Variants in TSPAN15 observed in about 807,000 individuals in gnomAD.
TSPAN15 encodes tetraspanin 15.
TSPAN15 carries 20 observed loss-of-function variants against 34.5 expected under a neutral mutation model. The observed-to-expected ratio is 0.58, with a 90% CI of 0.41 to 0.84. The LOEUF (loss-of-function observed/expected upper bound fraction) is 0.84, where lower values mean the gene tolerates loss of function less well. Ranked by LOEUF, TSPAN15 falls within the 40% of genes least tolerant of loss-of-function variation. TSPAN15 has a pLI of 0.00. For synonymous variants in TSPAN15, 155 were observed against 153.9 expected (o/e 1.01, Z -0.05); for missense variants, 313 against 386.1 (o/e 0.81, Z 1.59).
chr10:69,545,900 G>A, the TSPAN15 span, among the ~76,000 whole-genome samples: 3 of 152,174 alleles, frequency 2.0e-5, no homozygotes, highest in Admixed American at 6.5e-5. Flanking sequence ...AGGTTGCTGT[G>A]AGCTGAGATC....
At chr10:69,537,677 C>T in the TSPAN15 span, among the ~76,000 whole-genome samples, 1 of 152,206 alleles carries the variant, frequency 6.6e-6, no homozygotes, top group African/African-American at 2.4e-5. Context: ...TCTACAATGA[C>T]CCTATTTCCA....
downstream of TSPAN15, chr10:69,507,736 A>C: frequency 1.3e-5 from 13 of 998,982 alleles, no homozygotes; most frequent in East Asian, 2.1e-4. Context: ...GGATTTGGAA[A>C]CCCCTTGTGG....
rs577232558 is a variant in TSPAN15 at position 69,504,710 on chromosome 10, G to A, written c.618+225G>A. On this transcript the variant is annotated intron_variant, in intron 6 of 7. Transcript: ENST00000373290. The stretch of plus-strand genomic sequence containing the variant: ...GAGATGCCGCCTGTCAGGGTTTGCC[G>A]AGCACCTACTGTGGGCTGTTCCACA... Among the ~76,000 whole-genome samples, 8 of 152,262 alleles carry A rather than the reference G, an allele frequency of 5.3e-5. No individual in the cohort carries two copies. The East Asian group carries it at 5.8e-4, about 11-fold the overall frequency.
chr10:69,513,883 T>C, the TSPAN15 span, among the ~76,000 whole-genome samples: 4 of 152,238 alleles, frequency 2.6e-5, no homozygotes, highest in Admixed American at 6.5e-5. Context: ...GAAAAGCAAT[T>C]GTCCATGTAT....
At chr10:69,541,332 A>G in the TSPAN15 span, among the ~76,000 whole-genome samples, 1 of 152,204 alleles carries the variant, frequency 6.6e-6, no homozygotes, top group African/African-American at 2.4e-5. Context: ...CATGGAGTCA[A>G]AGGAGATCAT....
intron 1 of TSPAN15, among the ~76,000 whole-genome samples, chr10:69,468,810 T>C (rs1386042408): frequency 1.3e-5 from 2 of 152,158 alleles, no homozygotes; most frequent in African/African-American, 4.8e-5. Flanking sequence ...TTCAGTCCTA[T>C]ATACAGGCCA....
chr10:69,489,995 G>T (rs1027867967), intron 3 of TSPAN15, among the ~76,000 whole-genome samples: 1 of 152,204 alleles, frequency 6.6e-6, no homozygotes, highest in Non-Finnish European at 1.5e-5. Flanking sequence ...TTCCAGCCAG[G>T]TGCAGCTGAG....
intron 1 of TSPAN15, among the ~76,000 whole-genome samples, chr10:69,480,445 C>G (rs947138817): frequency 6.6e-6 from 1 of 152,152 alleles, no homozygotes; most frequent in Non-Finnish European, 1.5e-5. Context: ...GTGAGAATTA[C>G]GCTTTTCATC....
chr10:69,455,628 C>A (rs866897190), intron 1 of TSPAN15, among the ~76,000 whole-genome samples: 2 of 114,500 alleles, frequency 1.7e-5, no homozygotes, highest in Non-Finnish European at 3.6e-5. Context: ...CTCTCTCTCC[C>A]CCCCCCGTCT....
chr10:69,505,884 G>A (rs892295163), intron 6 of TSPAN15: 7 of 409,060 alleles, frequency 1.7e-5, no homozygotes, highest in East Asian at 1.1e-4. Flanking sequence ...TCCCTCAGCC[G>A]CCAACCTCGT....
At chr10:69,489,594 G>T (rs905567221) in intron 3 of TSPAN15, among the ~76,000 whole-genome samples, 3 of 152,214 alleles carry the variant, frequency 2.0e-5, no homozygotes, top group African/African-American at 7.2e-5. Flanking sequence ...TTAGGCTAAG[G>T]ATTACATGTT....
At chr10:69,543,154 C>T in the TSPAN15 span, among the ~76,000 whole-genome samples, 219 of 152,258 alleles carry the variant, frequency 1.4e-3, no homozygotes, top group African/African-American at 4.8e-3. Context: ...CTAGAAACCC[C>T]GAGAGCCAGA....
At chr10:69,503,301 A>G (rs1203900229) in intron 5 of TSPAN15, among the ~76,000 whole-genome samples, 2 of 151,854 alleles carry the variant, frequency 1.3e-5, no homozygotes, top group Non-Finnish European at 2.9e-5. Flanking sequence ...GAGAGAAGAC[A>G]CCCTCCCTTT....
intron 1 of TSPAN15, among the ~76,000 whole-genome samples, chr10:69,468,503 G>A (rs1049413994): frequency 1.9e-4 from 29 of 151,870 alleles, no homozygotes; most frequent in African/African-American, 5.8e-4. Context: ...ATCAAGCTGC[G>A]ATAGAGGAAA....
Position 69,507,036 on chromosome 10 carries a change from A to G in TSPAN15, c.*58A>G. ...CCGTCTGGGATAGCACCTCTCAGTC[A>G]ACATCGTGGGGCTGGACAGGGCTGC... On this transcript the variant is annotated 3_prime_UTR_variant, in exon 8 of 8. Coordinates refer to ENST00000373290, the MANE Select transcript of TSPAN15 (RefSeq NM_012339.5). The G allele has an allele frequency of 6.3e-7, 1 of 1,579,052 alleles. No homozygotes were observed. The highest frequency in any genetic ancestry group is 8.6e-7 in the Non-Finnish European group (1 of 1,163,948).
intron 3 of TSPAN15, among the ~76,000 whole-genome samples, chr10:69,488,885 A>G (rs1841911462): frequency 6.6e-6 from 1 of 152,252 alleles, no homozygotes. Flanking sequence ...GGGCAAAAGC[A>G]GAATTACTGA....
chr10:69,526,985 A>G, the TSPAN15 span, among the ~76,000 whole-genome samples: 1 of 147,954 alleles, frequency 6.8e-6, no homozygotes, highest in Admixed American at 7.0e-5. Flanking sequence ...TATGCCTAAG[A>G]GAAATGAAAA....
intron 1 of TSPAN15, among the ~76,000 whole-genome samples, chr10:69,467,634 A>G (rs1428357353): frequency 2.3e-5 from 3 of 128,852 alleles, no homozygotes; most frequent in Non-Finnish European, 5.1e-5. Context: ...AACAAAACAA[A>G]ACAACACACA....
chr10:69,465,826 A>G (rs1361410558), intron 1 of TSPAN15, among the ~76,000 whole-genome samples: 2 of 151,602 alleles, frequency 1.3e-5, no homozygotes, highest in Non-Finnish European at 2.9e-5. Context: ...TCACTCATCA[A>G]ACATGTTCTA....
Sources: gnomAD v4.1 joint callset for allele counts (sites outside exome capture counted in the v4.1 genomes callset) on GRCh38, gnomAD v4.1.1 for gene constraint, MANE v1.5 for transcripts, NCBI Gene and HGNC (gene_info 2026-07-23, HGNC 2026-07-21) for gene names.